Variants in ARL17A observed in about 807,000 individuals in gnomAD.
ARL17A encodes ADP-ribosylation factor-like 17-like.
downstream of ARL17A, among the ~76,000 whole-genome samples, chr17:46,550,785 C>T (rs1450845724): frequency 1.2e-5 from 1 of 86,000 alleles, no homozygotes; most frequent in East Asian, 2.4e-4. Context: ...ATTTCTCCCA[C>T]CCAAAACTAT....
intron 4 of ARL17A, among the ~76,000 whole-genome samples, chr17:46,533,259 T>G (rs895511461): frequency 1.0e-5 from 1 of 96,052 alleles, no homozygotes; most frequent in Admixed American, 1.1e-4. Context: ...CTCTAAAAAT[T>G]TTTTTTAGTT....
At chr17:46,536,898 G>C (rs1306522549) in intron 4 of ARL17A, among the ~76,000 whole-genome samples, 1 of 10,484 alleles carries the variant, frequency 9.5e-5, no homozygotes, top group Non-Finnish European at 1.4e-4. Context: ...TGCTCCCTCT[G>C]GTTGGGGATG....
At position 46,553,362 on chromosome 17, in the gene ARL17A, G is replaced by T. The variant is rs377013669; in HGVS notation, c.*3994C>A. 873 of 1,609,004 alleles carry T rather than the reference G, an allele frequency of 5.4e-4. 70 individuals are homozygous for T. The African/African-American group carries it at 0.011, about 21-fold the overall frequency. Reference sequence around the variant, plus strand: ...TACAGATTTGGAGACGGTGGTTGTTGTCATAGATAATCTTAATTGCGTTTT... The same window carrying T: ...TACAGATTTGGAGACGGTGGTTGTTTTCATAGATAATCTTAATTGCGTTTT... On this transcript the variant is annotated 3_prime_UTR_variant, in exon 4 of 4. Coordinates refer to ENST00000336125, the MANE Select transcript of ARL17A (RefSeq NM_001113738.2).
At chr17:46,534,881 TCTC>T (rs2054391010) in intron 4 of ARL17A, among the ~76,000 whole-genome samples, 1 of 149,632 alleles carries the variant, frequency 6.7e-6, no homozygotes, top group African/African-American at 2.5e-5. Flanking sequence ...GCTCCTCACT[TCTC>T]AGACGGGGCG....
chr17:46,545,078 C>T (rs2056074942), intron 3 of ARL17A, among the ~76,000 whole-genome samples: 2 of 135,610 alleles, frequency 1.5e-5, no homozygotes, highest in African/African-American at 5.9e-5. Flanking sequence ...CTCGTAACCG[C>T]AGATGGCCTG....
At chr17:46,558,852 T>A (rs1168900561) in intron 3 of ARL17A, 6 of 128,844 alleles carry the variant, frequency 4.7e-5, no homozygotes, top group Non-Finnish European at 8.1e-5. Flanking sequence ...TTTTTTTTTT[T>A]TTTTTTTTCA....
At chr17:46,521,395 T>G (rs1339125097) in intron 3 of ARL17A, among the ~76,000 whole-genome samples, 1 of 50,268 alleles carries the variant, frequency 2.0e-5, no homozygotes, top group African/African-American at 7.1e-5. Context: ...ACGTTTCCTT[T>G]AAAATAGTTA....
chr17:46,520,835 G>T (rs1180825085), intron 3 of ARL17A, among the ~76,000 whole-genome samples: 3 of 59,078 alleles, frequency 5.1e-5, no homozygotes, highest in African/African-American at 1.1e-4. Context: ...TAAAGGAGAA[G>T]AAAATGGAGA....
At chr17:46,501,000 T>G in the ARL17A span, among the ~76,000 whole-genome samples, 1 of 151,154 alleles carries the variant, frequency 6.6e-6, no homozygotes, top group Non-Finnish European at 1.5e-5. Flanking sequence ...GCTAACATGG[T>G]GAGACCCCGT....
At chr17:46,500,573 C>G in the ARL17A span, among the ~76,000 whole-genome samples, 1 of 150,586 alleles carries the variant, frequency 6.6e-6, no homozygotes, top group Non-Finnish European at 1.5e-5. Context: ...TAGAAATCAC[C>G]TGAAGATTGT....
At chr17:46,511,179 AT>A in the ARL17A span, among the ~76,000 whole-genome samples, 1 of 125,428 alleles carries the variant, frequency 8.0e-6, no homozygotes, top group Admixed American at 8.1e-5. Context: ...TATTTATGGA[AT>A]TTTTTTTAAA....
chr17:46,525,686 A>T (rs2145009784), downstream of ARL17A, among the ~76,000 whole-genome samples: 1 of 118,990 alleles, frequency 8.4e-6, no homozygotes, highest in Admixed American at 8.3e-5. Flanking sequence ...AACACCAGGA[A>T]AACACTGGAA....
chr17:46,572,999 AAGGGAGGAAGGGAGGAAGGG>A (rs1340263983), intron 2 of ARL17A, among the ~76,000 whole-genome samples: 47,838 of 89,666 alleles, frequency 0.53, 15,708 homozygotes, highest in Middle Eastern at 0.74. Flanking sequence ...GGGAGGGAGG[AAGGGAGGAAGGGAGGAAGGG>A]AGGAAAGGAA....
At chr17:46,542,099 C>T in intron 3 of ARL17A, among the ~76,000 whole-genome samples, 1 of 139,682 alleles carries the variant, frequency 7.2e-6, no homozygotes, top group African/African-American at 3.0e-5. Context: ...GCACTCTAAC[C>T]TGGGCGACAG....
At chr17:46,534,891 G>C (rs1339814057) in intron 4 of ARL17A, among the ~76,000 whole-genome samples, 1 of 149,680 alleles carries the variant, frequency 6.7e-6, no homozygotes, top group East Asian at 1.9e-4. Context: ...TCTCAGACGG[G>C]GCGGCTGCTG....
chr17:46,503,154 G>C, the ARL17A span, among the ~76,000 whole-genome samples: 1 of 146,254 alleles, frequency 6.8e-6, no homozygotes, highest in Admixed American at 6.8e-5. Context: ...GGAGCTTGCA[G>C]TGAGCCGAGA....
intron 3 of ARL17A, among the ~76,000 whole-genome samples, chr17:46,569,012 G>A (rs1308832520): frequency 5.6e-5 from 7 of 124,288 alleles, no homozygotes; most frequent in East Asian, 4.6e-4. Context: ...GCGCAATCTC[G>A]GCTCACTGCA....
chr17:46,532,744 AT>A (rs1412036005), intron 4 of ARL17A, among the ~76,000 whole-genome samples: 1 of 146,402 alleles, frequency 6.8e-6, no homozygotes, highest in Non-Finnish European at 1.5e-5. Flanking sequence ...TCATATTATA[AT>A]CCTTTTTATG....
downstream of ARL17A, among the ~76,000 whole-genome samples, chr17:46,525,688 ACACTGGAAT>A (rs2052646942): frequency 1.7e-5 from 2 of 118,694 alleles, 1 homozygote; most frequent in Non-Finnish European, 3.7e-5. Context: ...CACCAGGAAA[ACACTGGAAT>A]CACAGTTGAT....
Sources: gnomAD v4.1 joint callset for allele counts (sites outside exome capture counted in the v4.1 genomes callset) on GRCh38, gnomAD v4.1.1 for gene constraint, MANE v1.5 for transcripts, NCBI Gene and HGNC (gene_info 2026-07-23, HGNC 2026-07-21) for gene names.